The following CROCC2 variants were observed in gnomAD, a reference collection of about 807,000 sequenced individuals.
CROCC2 encodes the protein ciliary rootlet coiled-coil, rootletin family member 2.
A neutral mutation model predicts 177.6 loss-of-function variants in CROCC2; 163 were observed. That is an observed-to-expected ratio of 0.92 (90% CI 0.81 to 1.05). CROCC2 has a LOEUF of 1.05. Ranked by LOEUF, CROCC2 falls within the 50% of genes least tolerant of loss-of-function variation. CROCC2 has a pLI of 0.00. For synonymous variants in CROCC2, 904 were observed against 787.3 expected (o/e 1.15, Z -2.48); for missense variants, 1,929 against 1,797.8 (o/e 1.07, Z -1.32).
At position 240,929,652 on chromosome 2, in the gene CROCC2, C is replaced by T. The variant is rs116343965; in HGVS notation, c.646-514C>T. 2.7e-3 allele frequency: 1,248 copies of T among 455,600 alleles called. 18 individuals are homozygous for T. Among genetic ancestry groups the T allele is most frequent in the African/African-American group, 0.021 (1,068 of 50,160 alleles). 28.2% of individuals were successfully genotyped at this position (455,600 alleles called of 1,614,324 possible). A position where few individuals can be genotyped will look rare whatever the true frequency, so the allele number is the denominator to read the frequency against. On this transcript the variant is annotated intron_variant, in intron 5 of 31. Transcript: ENST00000690015. Reference sequence around the variant, plus strand: ...CTTGCTTCTGTGTCCCTGGCACCTTCGAAGTGCCAGACCAACACCTGGACA... The same window carrying T: ...CTTGCTTCTGTGTCCCTGGCACCTTTGAAGTGCCAGACCAACACCTGGACA...
intron 18 of CROCC2, among the ~76,000 whole-genome samples, chr2:240,954,300 G>T (rs190978292): frequency 6.6e-6 from 1 of 152,096 alleles, no homozygotes; most frequent in Non-Finnish European, 1.5e-5. Flanking sequence ...CCAACAGGAT[G>T]CCCTGTCTCA....
rs1424486816 is a variant in CROCC2, at chr2:240,930,967, A to G, written c.786A>G (p.Thr262=). 1.4e-6 allele frequency: 1 copy of G among 715,036 alleles called. No homozygotes were observed. 44.3% of individuals were successfully genotyped at this position (715,036 alleles called of 1,614,324 possible). A position where few individuals can be genotyped will look rare whatever the true frequency, so the allele number is the denominator to read the frequency against. ...LADLQADTAR[T]ARRLHTACLN... ...ACCTGCAGGCAGACACGGCCAGGAC[A>G]GCCCGCCGCCTGCACACCGCCTGCC... Residue 262 remains threonine, a synonymous_variant, in exon 7 of 32, where the codon ACA becomes ACG. Coordinates refer to ENST00000690015, the MANE Select transcript of CROCC2 (RefSeq NM_001351305.2).
intron 5 of CROCC2, among the ~76,000 whole-genome samples, chr2:240,928,874 T>C (rs1035276778): frequency 2.0e-5 from 3 of 146,690 alleles, no homozygotes; most frequent in Admixed American, 6.8e-5. Context: ...CTGGAGGGTG[T>C]ATGGCCAGGT....
rs2059665619 is a variant in CROCC2, at chr2:240,964,614, C to T, written c.3454C>T (p.Leu1152Phe). The T allele has an allele frequency of 1.3e-6, 2 of 1,549,098 alleles. No homozygotes were observed. Among genetic ancestry groups the T allele is most frequent in the African/African-American group, 1.4e-5 (1 of 72,998 alleles). Residue 1152 changes from leucine (L) to phenylalanine (F), a missense_variant, in exon 22 of 32, where the codon CTC becomes TTC. Transcript: ENST00000690015. Reference sequence around the variant, plus strand: ...GGACGCCCGTCAGGAGCTCCGGGAACTCCACAGACAGGTAGGGCGGCAGGG... The same window carrying T: ...GGACGCCCGTCAGGAGCTCCGGGAATTCCACAGACAGGTAGGGCGGCAGGG... ...GGDARQELRELHRQVRTLKAE... is the reference protein window; with the variant it reads ...GGDARQELREFHRQVRTLKAE...
chr2:240,929,888 C>T (rs1298811005), intron 5 of CROCC2, among the ~76,000 whole-genome samples: 1 of 152,170 alleles, frequency 6.6e-6, no homozygotes, highest in Non-Finnish European at 1.5e-5. Flanking sequence ...TCTTCAGGGG[C>T]CCACGCACCC....
intron 20 of CROCC2, among the ~76,000 whole-genome samples, chr2:240,961,263 T>G (rs948006129): frequency 1.3e-5 from 2 of 151,914 alleles, no homozygotes; most frequent in African/African-American, 4.8e-5. Context: ...ATCCACGCAG[T>G]GAGACCACAC....
At position 240,935,071 on chromosome 2, in the gene CROCC2, AG is replaced by A; in HGVS notation, c.1938+12del. On this transcript the variant is annotated intron_variant, in intron 13 of 31. Transcript: ENST00000690015. ...ACCACCTGGCTCTCCAGGTGAGACA[AG>A]GGCCAGTGGGGCGGGCCTCGCTGGA... 1 of 1,352,886 alleles carries A rather than the reference AG, an allele frequency of 7.4e-7. No homozygotes were observed. Among genetic ancestry groups the A allele is most frequent in the Non-Finnish European group, 9.6e-7 (1 of 1,045,150 alleles). 83.8% of individuals were successfully genotyped at this position (1,352,886 alleles called of 1,614,324 possible).
In CROCC2 at chr2:240,932,404, T is replaced by A. The variant is rs1330941859; in HGVS notation, c.1034T>A (p.Leu345Gln). The A allele has an allele frequency of 8.4e-6, 6 of 717,472 alleles. No homozygotes were observed. The East Asian group carries it at 1.3e-4, about 16-fold the overall frequency. 44.4% of individuals were successfully genotyped at this position (717,472 alleles called of 1,614,324 possible). A position where few individuals can be genotyped will look rare whatever the true frequency, so the allele number is the denominator to read the frequency against. ...ACCATCGCTGCCCTCAGAACCGACCTGCAGAACCTGGTTGGTGGGCAGGAC... is the reference window on the plus strand; with the variant it reads ...ACCATCGCTGCCCTCAGAACCGACCAGCAGAACCTGGTTGGTGGGCAGGAC... Reference protein sequence around the residue: ...AKTIAALRTDLQNLVAQEDAR... With the variant: ...AKTIAALRTDQQNLVAQEDAR... Residue 345 changes from leucine (L) to glutamine (Q), a missense_variant, in exon 8 of 32, where the codon CTG becomes CAG. Coordinates refer to ENST00000690015, the MANE Select transcript of CROCC2 (RefSeq NM_001351305.2).
At chr2:240,991,164 C>T in intron 30 of CROCC2, 32 bp from the exon 31 acceptor site, 4 of 1,500,010 alleles carry the variant, frequency 2.7e-6, no homozygotes, top group Non-Finnish European at 1.8e-6. Flanking sequence ...TGCAGCCTGC[C>T]CACCTGACCT....
chr2:240,931,681 G>A (rs1464548546), intron 7 of CROCC2, among the ~76,000 whole-genome samples: 1 of 152,214 alleles, frequency 6.6e-6, no homozygotes, highest in African/African-American at 2.4e-5. Flanking sequence ...TAACCTGCTG[G>A]CCGTGGGGCC....
Position 240,968,225 on chromosome 2 carries a change from G to A in CROCC2, c.4364G>A (p.Ser1455Asn), listed in dbSNP as rs1418619394. Residue 1455 changes from serine (S) to asparagine (N), a missense_variant, in exon 27 of 32, where the codon AGC (serine) becomes AAC (asparagine). By Grantham distance (46) the Ser-to-Asn change is conservative. Around this residue, in one of 3 missense-constraint regions of CROCC2, gnomAD observed 388 missense variants for 352.7 expected, o/e 1.10. Transcript: ENST00000690015. ...AGGCTGGAGTTGGAGCACCTGGCGA[G>A]CGTGCGTGCGGCAGGCCAGGAGAAG... ...LRRLELEHLASVRAAGQEKRR... is the reference protein window; with the variant it reads ...LRRLELEHLANVRAAGQEKRR... 5 of 1,532,978 alleles carry A rather than the reference G, an allele frequency of 3.3e-6. No homozygotes were observed. The highest frequency in any genetic ancestry group is 2.4e-5 in the East Asian group (1 of 40,880). 95.0% of individuals were successfully genotyped at this position (1,532,978 alleles called of 1,614,324 possible). A position where few individuals can be genotyped will look rare whatever the true frequency, so the allele number is the denominator to read the frequency against.
At chr2:240,912,522 G>A (rs979262426) in intron 1 of CROCC2, among the ~76,000 whole-genome samples, 11 of 152,244 alleles carry the variant, frequency 7.2e-5, no homozygotes, top group African/African-American at 2.4e-4. Flanking sequence ...TAGCCGGAAG[G>A]AGAGGTGCCC....
chr2:240,983,780 C>T, intron 28 of CROCC2: 1 of 407,750 alleles, frequency 2.5e-6, no homozygotes, highest in South Asian at 2.1e-5. Context: ...TTGGCTCTCC[C>T]TGGGGAGGCA....
chr2:240,917,888 G>A lies in CROCC2; in HGVS notation c.79-838G>A, dbSNP rs1159245167. 6.6e-6 allele frequency among the ~76,000 whole-genome samples: 1 copy of A among 152,166 alleles called. No homozygotes were observed. Among genetic ancestry groups the A allele is most frequent in the Non-Finnish European group, 1.5e-5 (1 of 68,004 alleles). Reference sequence around the variant, plus strand: ...CACAGTCGGTAATCTATTTCACCTGGCAGGAGTCCCCTGCCCTGGGGTCCC... The same window carrying A: ...CACAGTCGGTAATCTATTTCACCTGACAGGAGTCCCCTGCCCTGGGGTCCC... On this transcript the variant is annotated intron_variant, in intron 1 of 31. Coordinates refer to ENST00000690015, the MANE Select transcript of CROCC2 (RefSeq NM_001351305.2). The surrounding 1 kb of genome is among the most constrained non-coding windows in gnomAD (Gnocchi z 4.9).
In CROCC2 at chr2:240,932,339, G is replaced by A. The variant is rs1336709565; in HGVS notation, c.969G>A (p.Leu323=). Residue 323 remains leucine (L), a synonymous_variant, in exon 8 of 32, where the codon CTG becomes CTA. Coordinates refer to ENST00000690015, the MANE Select transcript of CROCC2 (RefSeq NM_001351305.2). ...CCAGACTCTCGGAGCAAACCCTGCT[G>A]GTGGAGAAGCTTACAGAGCAGAATG... ...LQARLSEQTL[L]VEKLTEQNEQ... is the part of the protein sequence containing the mutation. 1 of 716,838 alleles carries A rather than the reference G, an allele frequency of 1.4e-6. No individual in the cohort carries two copies. Among genetic ancestry groups the A allele is most frequent in the Admixed American group, 2.0e-5 (1 of 49,978 alleles). 44.4% of individuals were successfully genotyped at this position (716,838 alleles called of 1,614,324 possible). A position where few individuals can be genotyped will look rare whatever the true frequency, so the allele number is the denominator to read the frequency against.
Position 240,930,260 on chromosome 2 carries a change from C to A in CROCC2, c.740C>A (p.Ala247Asp). ...ACAGACCTGGCCGAGCTGCGTGTAG[C>A]CACTGAGAGGTGAGTGCCAGCCGCC... ...LGTDLAELRV[A>D]TERGLADLQA... The change falls in exon 6 of 32, where the codon GCC becomes GAC. Residue 247 changes from alanine to aspartate, a missense_variant. Ala to Asp is a moderately radical substitution (Grantham distance 126). Around this residue, in one of 3 missense-constraint regions of CROCC2, gnomAD observed 1,397 missense variants for 1,239.9 expected, o/e 1.13. Transcript: ENST00000690015. 3 of 554,262 alleles carry A rather than the reference C, an allele frequency of 5.4e-6. No individual in the cohort carries two copies. The highest frequency in any genetic ancestry group is 3.3e-5 in the Admixed American group (1 of 30,376). 34.3% of individuals were successfully genotyped at this position (554,262 alleles called of 1,614,324 possible).
intron 1 of CROCC2, among the ~76,000 whole-genome samples, chr2:240,909,350 G>GCTCTACCTCCTCCACCTCAGGTGAC (rs1559585720): frequency 2.0e-5 from 3 of 150,084 alleles, no homozygotes; most frequent in African/African-American, 4.9e-5. Context: ...CCTGGGGTGA[G>GCTCTACCTCCTCCACCTCAGGTGAC]CTCTACCTCC....
intron 18 of CROCC2, among the ~76,000 whole-genome samples, chr2:240,954,168 C>T (rs2059574910): frequency 6.6e-6 from 1 of 152,174 alleles, no homozygotes; most frequent in South Asian, 2.1e-4. Flanking sequence ...GAAAAATCCC[C>T]CACTCCTGCC....
At chr2:240,911,932 G>C (rs1347459765) in intron 1 of CROCC2, among the ~76,000 whole-genome samples, 1 of 152,298 alleles carries the variant, frequency 6.6e-6, no homozygotes, top group Non-Finnish European at 1.5e-5. Context: ...CGGCCGCTGT[G>C]AAAATGCTGC....
Sources: allele counts gnomAD v4.1 joint callset (sites outside exome capture counted in the v4.1 genomes callset), GRCh38; gene constraint gnomAD v4.1.1; regional missense constraint gnomAD v4.1.1; non-coding constraint Gnocchi (gnomAD v3.1); transcripts MANE v1.5; gene names NCBI Gene and HGNC (gene_info 2026-07-23, HGNC 2026-07-21).